Variants in LRRC37A2 observed in about 807,000 individuals in gnomAD.
The protein encoded by LRRC37A2 is leucine rich repeat containing 37 member A2.
A neutral mutation model predicts 68.8 loss-of-function variants in LRRC37A2; 9 were observed. The ratio of observed to expected loss-of-function variants is 0.13; its 90% CI spans 0.08 to 0.23. LRRC37A2 has a LOEUF of 0.23. LRRC37A2 is among the 10% of genes least tolerant of loss of function. The pLI is 1.00. For missense variants in LRRC37A2, 168 were observed against 950.4 expected (o/e 0.18, Z 10.82); for synonymous variants, 63 against 367.6 (o/e 0.17, Z 9.48).
chr17:46,520,954 T>A lies in LRRC37A2; in HGVS notation c.2753+671T>A, dbSNP rs1354830326. 3.7e-5 allele frequency among the ~76,000 whole-genome samples: 3 copies of A among 81,716 alleles called. 1 individual carries two copies. The highest frequency in any genetic ancestry group is 1.1e-4 in the African/African-American group (3 of 28,242). The allele number at this position is 81,716 out of a possible 152,430, so 53.6% of individuals were successfully genotyped here. A position where few individuals can be genotyped will look rare whatever the true frequency, so the allele number is the denominator to read the frequency against. ...TAGCTGAATTATATCAATATTATCATCAAGAATATTAAGCTACCAAGAGAA... is the reference window on the plus strand; with the variant it reads ...TAGCTGAATTATATCAATATTATCAACAAGAATATTAAGCTACCAAGAGAA... On this transcript the variant is annotated intron_variant, in intron 4 of 14. Coordinates refer to ENST00000576629, the Ensembl canonical transcript of LRRC37A2.
At chr17:46,997,647 T>C in the LRRC37A2 span, among the ~76,000 whole-genome samples, 2 of 152,152 alleles carry the variant, frequency 1.3e-5, no homozygotes, top group African/African-American at 2.4e-5. Flanking sequence ...GTGGGTAATA[T>C]CTGCAGGATG....
At chr17:46,814,713 T>G in the LRRC37A2 span, among the ~76,000 whole-genome samples, 15 of 152,252 alleles carry the variant, frequency 9.9e-5, no homozygotes, top group East Asian at 2.1e-3. Flanking sequence ...CCTGGGGCCT[T>G]CCTCCCCCGC....
the LRRC37A2 span, chr17:46,940,582 A>C: frequency 6.2e-7 from 1 of 1,614,168 alleles, no homozygotes; most frequent in Non-Finnish European, 8.5e-7. Flanking sequence ...CAGACAGCAC[A>C]CTTTGGAGGA....
At chr17:46,769,284 C>T in the LRRC37A2 span, among the ~76,000 whole-genome samples, 2 of 147,958 alleles carry the variant, frequency 1.4e-5, no homozygotes, top group Non-Finnish European at 3.0e-5. Context: ...CCACTGCACT[C>T]CAGCCTGGGC....
the LRRC37A2 span, among the ~76,000 whole-genome samples, chr17:46,817,371 T>TCCC: frequency 6.6e-6 from 1 of 151,032 alleles, no homozygotes; most frequent in African/African-American, 2.5e-5. Context: ...CCTCCTCACC[T>TCCC]CCCCCCGCCC....
intron 6 of LRRC37A2, among the ~76,000 whole-genome samples, chr17:46,527,185 AAG>A (rs999633288): frequency 2.7e-5 from 2 of 73,128 alleles, no homozygotes; most frequent in Non-Finnish European, 3.8e-5. Context: ...TGTAAGCACT[AAG>A]AGAGAATAAG....
At chr17:46,991,809 T>C in the LRRC37A2 span, among the ~76,000 whole-genome samples, 1 of 152,242 alleles carries the variant, frequency 6.6e-6, no homozygotes, top group Non-Finnish European at 1.5e-5. Flanking sequence ...TAAAGTCTGA[T>C]TGAAACACAG....
At chr17:46,886,982 A>T in the LRRC37A2 span, among the ~76,000 whole-genome samples, 2 of 152,014 alleles carry the variant, frequency 1.3e-5, no homozygotes, top group African/African-American at 4.8e-5. Context: ...ATACCTGGCT[A>T]ATTTTTGTGT....
the LRRC37A2 span, chr17:46,917,334 G>C: frequency 6.6e-6 from 1 of 152,342 alleles, no homozygotes; most frequent in East Asian, 1.9e-4. Context: ...GCATAGGATA[G>C]ACATTCCCAT....
chr17:46,873,086 TCA>T, the LRRC37A2 span, among the ~76,000 whole-genome samples: 15,752 of 139,612 alleles, frequency 0.11, 948 homozygotes, highest in South Asian at 0.19. Flanking sequence ...CTCTGCCTCT[TCA>T]CACACACACA....
At chr17:46,837,788 A>C in the LRRC37A2 span, among the ~76,000 whole-genome samples, 1 of 152,218 alleles carries the variant, frequency 6.6e-6, no homozygotes, top group Non-Finnish European at 1.5e-5. Flanking sequence ...ATATGCCTTC[A>C]GGGCTGATAT....
the LRRC37A2 span, among the ~76,000 whole-genome samples, chr17:46,959,593 C>T: frequency 1.3e-5 from 2 of 152,154 alleles, no homozygotes; most frequent in Non-Finnish European, 2.9e-5. Context: ...AATGTTTAGC[C>T]ATGTGATTTT....
chr17:46,757,752 G>A, the LRRC37A2 span, among the ~76,000 whole-genome samples: 2 of 151,884 alleles, frequency 1.3e-5, no homozygotes, highest in Admixed American at 1.3e-4. Flanking sequence ...TAATCCGAGA[G>A]GGAGGCTGAG....
At chr17:46,528,678 C>G in intron 6 of LRRC37A2, 1 of 593,286 alleles carries the variant, frequency 1.7e-6, no homozygotes, top group South Asian at 2.0e-5. Context: ...CAAGATCACA[C>G]CACTGCACTG....
the LRRC37A2 span, among the ~76,000 whole-genome samples, chr17:46,759,214 A>G: frequency 3.3e-5 from 5 of 152,176 alleles, no homozygotes; most frequent in Non-Finnish European, 7.3e-5. Context: ...GAAAAATAAA[A>G]TAAGTGACTG....
the LRRC37A2 span, among the ~76,000 whole-genome samples, chr17:46,386,291 G>T: frequency 3.0e-5 from 3 of 98,880 alleles, no homozygotes; most frequent in African/African-American, 1.1e-4. Context: ...TGCAGATGGG[G>T]TCTTGCCTTG....
the LRRC37A2 span, chr17:47,021,770 C>A: frequency 1.0e-6 from 1 of 984,880 alleles, no homozygotes; most frequent in Non-Finnish European, 1.6e-6. Flanking sequence ...ATATCCCCAA[C>A]AAGGTTGCAA....
At chr17:46,867,018 T>G in the LRRC37A2 span, among the ~76,000 whole-genome samples, 1 of 152,200 alleles carries the variant, frequency 6.6e-6, no homozygotes, top group East Asian at 1.9e-4. Flanking sequence ...CTGGTCAAGA[T>G]CAAGTTCTCA....
the LRRC37A2 span, chr17:46,923,989 A>T: frequency 2.5e-6 from 1 of 397,198 alleles, no homozygotes. Flanking sequence ...AATATACACA[A>T]CATAAGATTT....
Sources: gnomAD v4.1 joint callset for allele counts (sites outside exome capture counted in the v4.1 genomes callset) on GRCh38, gnomAD v4.1.1 for gene constraint, MANE v1.5 for transcripts, NCBI Gene and HGNC (gene_info 2026-07-23, HGNC 2026-07-21) for gene names.